Variants in LINGO2 observed in about 807,000 individuals in gnomAD.
LINGO2 encodes the protein leucine-rich repeat and immunoglobulin-like domain-containing nogo receptor-interacting protein 2.
In LINGO2, 14 loss-of-function variants were observed where a neutral mutation model predicts 30.6. The ratio of observed to expected loss-of-function variants is 0.46; its 90% CI spans 0.30 to 0.72. The LOEUF (loss-of-function observed/expected upper bound fraction) is 0.72. Among genes scored for constraint, LINGO2 ranks in the 30% least tolerant of loss-of-function variants. The probability of loss-of-function intolerance (pLI) is 0.07; values close to 1 mark genes in which losing one functional copy is unlikely to be tolerated. For synonymous variants in LINGO2, 317 were observed against 288.5 expected, an observed-to-expected ratio of 1.10 and a Z score of -1.00; for missense variants, 729 against 751.7, an observed-to-expected ratio of 0.97 and a Z score of 0.35.
chr9:29,072,611 T>TTATATATATATATA, the LINGO2 span, among the ~76,000 whole-genome samples: 2,601 of 140,236 alleles, frequency 0.019, 121 homozygotes, highest in African/African-American at 0.049. Context: ...TGTCTCTCTT[T>TTATATATATATATA]GATATATATA....
chr9:28,049,796 A>G (rs866654141), intron 4 of LINGO2, among the ~76,000 whole-genome samples: 1 of 150,460 alleles, frequency 6.6e-6, no homozygotes, highest in Non-Finnish European at 1.5e-5. Flanking sequence ...GTAGGAGACA[A>G]TCAGATCATG....
intron 2 of LINGO2, among the ~76,000 whole-genome samples, chr9:28,470,273 C>A (rs1239888183): frequency 6.6e-6 from 1 of 152,170 alleles, no homozygotes; most frequent in Admixed American, 6.5e-5. Context: ...CAAAATAAAA[C>A]AAAGAAAAAC....
intron 1 of LINGO2, chr9:28,599,318 G>T (rs140678965): frequency 2.6e-4 from 40 of 152,214 alleles, no homozygotes; most frequent in African/African-American, 8.7e-4. Context: ...TTTTCTTGCA[G>T]AGTTAGAGTA....
chr9:28,787,033 G>A, the LINGO2 span, among the ~76,000 whole-genome samples: 2 of 152,060 alleles, frequency 1.3e-5, no homozygotes, highest in Non-Finnish European at 2.9e-5. Flanking sequence ...CTAGTTCTAG[G>A]GGTAACATGT....
At chr9:28,630,842 C>A (rs1163757302) in intron 1 of LINGO2, among the ~76,000 whole-genome samples, 1 of 151,092 alleles carries the variant, frequency 6.6e-6, no homozygotes, top group Non-Finnish European at 1.5e-5. Flanking sequence ...TTTTTAGTAA[C>A]CCTCAGAATC....
chr9:28,233,061 T>TATATATATATATACAA (rs60875467), intron 4 of LINGO2, among the ~76,000 whole-genome samples: 1 of 118,830 alleles, frequency 8.4e-6, no homozygotes, highest in African/African-American at 3.6e-5. Context: ...TATATATATA[T>TATATATATATATACAA]TAGATATATA....
chr9:29,191,633 T>G, the LINGO2 span, among the ~76,000 whole-genome samples: 15 of 152,130 alleles, frequency 9.9e-5, no homozygotes, highest in African/African-American at 3.6e-4. Context: ...CACGAAACAT[T>G]CTGGGGTTGC....
At chr9:28,041,703 G>A (rs1389487671) in intron 4 of LINGO2, among the ~76,000 whole-genome samples, 1 of 152,132 alleles carries the variant, frequency 6.6e-6, no homozygotes. Flanking sequence ...GCAGAGATGT[G>A]AGCCCAGAGA....
At chr9:28,362,477 T>C (rs1467772727) in intron 3 of LINGO2, among the ~76,000 whole-genome samples, 1 of 152,132 alleles carries the variant, frequency 6.6e-6, no homozygotes, top group Non-Finnish European at 1.5e-5. Context: ...CTTTTTTTTT[T>C]TTCTTTTTTT....
At chr9:29,190,597 T>A in the LINGO2 span, among the ~76,000 whole-genome samples, 1 of 152,136 alleles carries the variant, frequency 6.6e-6, no homozygotes, top group Admixed American at 6.5e-5. Flanking sequence ...AAATAAAATA[T>A]GGCAACAAGG....
At chr9:28,412,916 T>G (rs1822825470) in intron 2 of LINGO2, among the ~76,000 whole-genome samples, 1 of 152,032 alleles carries the variant, frequency 6.6e-6, no homozygotes, top group Non-Finnish European at 1.5e-5. Flanking sequence ...GACTAACTCC[T>G]CCTCATACTC....
intron 4 of LINGO2, among the ~76,000 whole-genome samples, chr9:28,085,720 A>G (rs957368840): frequency 2.0e-5 from 3 of 152,092 alleles, no homozygotes; most frequent in African/African-American, 7.2e-5. Context: ...ACCTCTTGAG[A>G]GTGATCAAGA....
the LINGO2 span, among the ~76,000 whole-genome samples, chr9:29,198,361 G>C: frequency 1.3e-5 from 2 of 152,260 alleles, no homozygotes; most frequent in South Asian, 4.1e-4. Flanking sequence ...GTGGCTGACA[G>C]TTTGGAAACA....
At chr9:29,128,886 A>G in the LINGO2 span, among the ~76,000 whole-genome samples, 2 of 152,186 alleles carry the variant, frequency 1.3e-5, no homozygotes, top group Non-Finnish European at 2.9e-5. Flanking sequence ...CTCAATAAGT[A>G]AATAAGTCTA....
At chr9:28,675,217 G>A (rs1004659927), upstream of LINGO2, among the ~76,000 whole-genome samples, 1 of 152,050 alleles carries the variant, frequency 6.6e-6, no homozygotes, top group Non-Finnish European at 1.5e-5. Context: ...ATTTTCTCAC[G>A]ATTACAGATC....
At chr9:29,108,181 T>A in the LINGO2 span, among the ~76,000 whole-genome samples, 1 of 152,178 alleles carries the variant, frequency 6.6e-6, no homozygotes, top group Non-Finnish European at 1.5e-5. Context: ...ACTACATTAT[T>A]TCATTGCTTA....
the LINGO2 span, among the ~76,000 whole-genome samples, chr9:29,016,623 A>T: frequency 6.6e-6 from 1 of 152,196 alleles, no homozygotes; most frequent in Non-Finnish European, 1.5e-5. Flanking sequence ...CTGATCACAA[A>T]CATCCAAATT....
the LINGO2 span, among the ~76,000 whole-genome samples, chr9:28,889,590 A>G: frequency 5.9e-5 from 9 of 152,092 alleles, no homozygotes; most frequent in East Asian, 1.7e-3. Context: ...CTATTAAAAA[A>G]CCTTTGTTTC....
At chr9:29,200,015 C>G in the LINGO2 span, among the ~76,000 whole-genome samples, 1 of 151,908 alleles carries the variant, frequency 6.6e-6, no homozygotes, top group Non-Finnish European at 1.5e-5. Context: ...AGGAAATTAT[C>G]ACATATCACC....
Sources: allele counts gnomAD v4.1 joint callset (sites outside exome capture counted in the v4.1 genomes callset), GRCh38; gene constraint gnomAD v4.1.1; transcripts MANE v1.5; gene names NCBI Gene and HGNC (gene_info 2026-07-23, HGNC 2026-07-21).